The following FANK1 variants were observed in gnomAD, a reference collection of about 807,000 sequenced individuals.
FANK1 encodes the protein fibronectin type 3 and ankyrin repeat domains protein 1.
A neutral mutation model predicts 45.3 loss-of-function variants in FANK1; 44 were observed. The ratio of observed to expected loss-of-function variants is 0.97; its 90% CI spans 0.76 to 1.25. The LOEUF (loss-of-function observed/expected upper bound fraction) is 1.25. Among genes scored for constraint, FANK1 ranks in the 50% most tolerant of loss-of-function variants. The pLI, the probability that FANK1 is intolerant of heterozygous loss-of-function variation, is 0.00. For missense variants in FANK1, 391 were observed against 424.4 expected (o/e 0.92, Z 0.69); for synonymous variants, 149 against 152.5 (o/e 0.98, Z 0.17).
At chr10:125,973,551 C>A in intron 1 of FANK1, 7 of 771,338 alleles carry the variant, frequency 9.1e-6, no homozygotes, top group South Asian at 5.9e-5. Flanking sequence ...GTATCTAGAA[C>A]CCTGAAATTG....
At chr10:125,980,131 C>T (rs1426053042) in intron 1 of FANK1, 30 bp from the exon 2 acceptor site, 2 of 1,598,780 alleles carry the variant, frequency 1.3e-6, no homozygotes, top group Non-Finnish European at 1.7e-6. Flanking sequence ...GAAACTGGGT[C>T]CTGAAGTTCG....
intron 1 of FANK1, among the ~76,000 whole-genome samples, chr10:125,953,079 C>T (rs1020220040): frequency 2.6e-5 from 4 of 152,150 alleles, no homozygotes; most frequent in East Asian, 1.9e-4. Context: ...TCTGTTAACA[C>T]GTGAAATGCT....
At chr10:125,916,576 A>G (rs1946464774) in intron 1 of FANK1, among the ~76,000 whole-genome samples, 1 of 152,206 alleles carries the variant, frequency 6.6e-6, no homozygotes, top group Non-Finnish European at 1.5e-5. Context: ...CCAAGTGTCT[A>G]TCTGCAAATG....
intron 1 of FANK1, chr10:125,974,848 T>C (rs989775170): frequency 3.3e-5 from 5 of 152,230 alleles, no homozygotes; most frequent in African/African-American, 4.8e-5. Flanking sequence ...GTATCTATTT[T>C]TATTTTTTTA....
chr10:125,979,081 T>C (rs1444032499), intron 1 of FANK1, among the ~76,000 whole-genome samples: 1 of 152,154 alleles, frequency 6.6e-6, no homozygotes, highest in Non-Finnish European at 1.5e-5. Flanking sequence ...CAAAGATCTG[T>C]GGGAGAAGCA....
At chr10:126,008,346 G>T in intron 7 of FANK1, 61 bp from the exon 8 acceptor site, 1 of 1,514,618 alleles carries the variant, frequency 6.6e-7, no homozygotes, top group Non-Finnish European at 8.8e-7. Context: ...CCTTTTATAA[G>T]TTTGAATCAT....
At chr10:125,946,505 T>C (rs1437064681) in intron 1 of FANK1, among the ~76,000 whole-genome samples, 1 of 151,868 alleles carries the variant, frequency 6.6e-6, no homozygotes, top group Non-Finnish European at 1.5e-5. Flanking sequence ...AGAAAGGGTA[T>C]CAGCAATGGA....
chr10:126,008,978 G>T (rs1953449014), intron 8 of FANK1, 76 bp from the exon 9 acceptor site: 7 of 1,424,316 alleles, frequency 4.9e-6, no homozygotes, highest in Non-Finnish European at 6.8e-6. Flanking sequence ...CCCTGCATGT[G>T]CCAGGCTCAT....
chr10:125,946,476 G>A (rs1948809354), intron 1 of FANK1, among the ~76,000 whole-genome samples: 1 of 152,154 alleles, frequency 6.6e-6, no homozygotes, highest in Non-Finnish European at 1.5e-5. Flanking sequence ...AGCCTCAGGA[G>A]CTGATGTGAT....
chr10:125,970,236 G>A (rs567286206), intron 1 of FANK1, among the ~76,000 whole-genome samples: 40 of 151,998 alleles, frequency 2.6e-4, no homozygotes, highest in African/African-American at 8.2e-4. Context: ...CAGAGGGGGC[G>A]GCCAGGCAGA....
At chr10:125,977,255 A>C (rs550933767) in intron 1 of FANK1, among the ~76,000 whole-genome samples, 7 of 152,326 alleles carry the variant, frequency 4.6e-5, no homozygotes, top group Non-Finnish European at 1.0e-4. Flanking sequence ...GAGTACGGTC[A>C]ACAGACTTCT....
chr10:125,979,449 G>T (rs917744783), intron 1 of FANK1, among the ~76,000 whole-genome samples: 2 of 152,084 alleles, frequency 1.3e-5, no homozygotes, highest in Admixed American at 1.3e-4. Context: ...CTTCCATATT[G>T]CCCTCTAAAA....
At chr10:125,944,491 C>T in intron 1 of FANK1, among the ~76,000 whole-genome samples, 1 of 152,148 alleles carries the variant, frequency 6.6e-6, no homozygotes, top group Admixed American at 6.5e-5. Flanking sequence ...CAATACCTTC[C>T]TGTTGGGAGC....
chr10:125,988,701 A>G, intron 3 of FANK1, 26 bp downstream of exon 3: 1 of 1,614,056 alleles, frequency 6.2e-7, no homozygotes, highest in Non-Finnish European at 8.5e-7. Context: ...GTCCACACTC[A>G]CCTCTCTCTA....
intron 1 of FANK1, among the ~76,000 whole-genome samples, chr10:125,952,959 A>G (rs1437831621): frequency 6.6e-6 from 1 of 152,164 alleles, no homozygotes; most frequent in South Asian, 2.1e-4. Flanking sequence ...AGCTCAGTGT[A>G]GAAAATGCTG....
rs1311439330 is a variant in FANK1, at chr10:125,969,764, G to A, written c.14-10397G>A. ...AGGTCTCTGGTTTTCCTAGGCAGAG[G>A]ACCCTGTGGCCTTCCCCAGTGTTTG... On this transcript the variant is annotated intron_variant, in intron 1 of 10. Transcript: ENST00000368693. 5.9e-5 allele frequency among the ~76,000 whole-genome samples: 9 copies of A among 152,170 alleles called. No individual in the cohort carries two copies. The East Asian group carries it at 1.4e-3, about 23-fold the overall frequency.
intron 1 of FANK1, among the ~76,000 whole-genome samples, chr10:125,968,955 A>G (rs1401017514): frequency 6.6e-6 from 1 of 152,154 alleles, no homozygotes; most frequent in African/African-American, 2.4e-5. Context: ...TTATTACTTG[A>G]CAAGTGGCAC....
At chr10:125,907,915 C>A (rs1050753678) in intron 1 of FANK1, among the ~76,000 whole-genome samples, 7 of 152,108 alleles carry the variant, frequency 4.6e-5, no homozygotes, top group African/African-American at 1.7e-4. Context: ...CTTGTGAGAG[C>A]CTATGCAGTG....
chr10:125,958,693 T>A (rs1949732647), intron 1 of FANK1, among the ~76,000 whole-genome samples: 3 of 152,348 alleles, frequency 2.0e-5, no homozygotes, highest in African/African-American at 7.2e-5. Flanking sequence ...AGTGAGGTGA[T>A]ACCTCACTGT....
Sources: allele counts gnomAD v4.1 joint callset (sites outside exome capture counted in the v4.1 genomes callset), GRCh38; gene constraint gnomAD v4.1.1; transcripts MANE v1.5; gene names NCBI Gene and HGNC (gene_info 2026-07-23, HGNC 2026-07-21).